LRRC58: variants seen among roughly 807,000 people sequenced by gnomAD.
LRRC58 encodes leucine rich repeat containing 58.
In LRRC58, 18 loss-of-function variants were observed where a neutral mutation model predicts 30.6. The observed-to-expected ratio is 0.59, with a 90% CI of 0.41 to 0.87. The LOEUF is 0.87. Among genes scored for constraint, LRRC58 ranks in the 40% least tolerant of loss-of-function variants. The pLI, the probability that LRRC58 is intolerant of heterozygous loss-of-function variation, is 0.00. For missense variants in LRRC58, 420 were observed against 468.4 expected (o/e 0.90, Z 0.95); for synonymous variants, 221 against 206.0 (o/e 1.07, Z -0.62).
At chr3:120,333,364 T>C (rs1344229556) in intron 3 of LRRC58, among the ~76,000 whole-genome samples, 1 of 152,250 alleles carries the variant, frequency 6.6e-6, no homozygotes, top group Non-Finnish European at 1.5e-5. Context: ...CTGGTGTGAA[T>C]GCTGCCCTAT....
rs554926989 is a variant in LRRC58 at position 120,337,815 on chromosome 3, C to A, written c.501-1862G>T. On this transcript the variant is annotated intron_variant, in intron 1 of 3. Coordinates refer to ENST00000295628, the MANE Select transcript of LRRC58 (RefSeq NM_001099678.2). ...ACTGCTAAAAACTTCCTGAAATGAG[C>A]CTTAATTCATATGAATCATTTCTAT... Among the ~76,000 whole-genome samples, 3 of 152,136 alleles carry A rather than the reference C, an allele frequency of 2.0e-5. No homozygotes were observed. In the East Asian group the frequency reaches 5.8e-4, roughly 29 times the overall value.
At chr3:120,338,899 A>G (rs1357703052) in intron 1 of LRRC58, among the ~76,000 whole-genome samples, 1 of 152,216 alleles carries the variant, frequency 6.6e-6, no homozygotes, top group Non-Finnish European at 1.5e-5. Context: ...TGGTTAGGGG[A>G]GCACTGTGGG....
rs796116731 is a variant in LRRC58 at position 120,347,379 on chromosome 3, C to CTTTTTTTTTTTTTTTTTTTTTTTT, written c.500+1364_500+1365insAAAAAAAAAAAAAAAAAAAAAAAA. Among the ~76,000 whole-genome samples the CTTTTTTTTTTTTTTTTTTTTTTTT allele has an allele frequency of 9.3e-4, 51 of 54,846 alleles. 11 individuals are homozygous for CTTTTTTTTTTTTTTTTTTTTTTTT. Among genetic ancestry groups the CTTTTTTTTTTTTTTTTTTTTTTTT allele is most frequent in the Non-Finnish European group, 1.2e-3 (35 of 28,766 alleles). 36.0% of individuals were successfully genotyped at this position (54,846 alleles called of 152,430 possible). A position where few individuals can be genotyped will look rare whatever the true frequency, so the allele number is the denominator to read the frequency against. Reference sequence around the variant, plus strand: ...AGTTCTTTTTTCCCAGGCCAATATTCTTTTTTTTTTTTTTTTTTTTTTTGA... The same window carrying CTTTTTTTTTTTTTTTTTTTTTTTT: ...AGTTCTTTTTTCCCAGGCCAATATTCTTTTTTTTTTTTTTTTTTTTTTTTTTTTTTTTTTTTTTTTTTTTTTTGA... On this transcript the variant is annotated intron_variant, in intron 1 of 3. Transcript: ENST00000295628.
intron 1 of LRRC58, among the ~76,000 whole-genome samples, chr3:120,344,723 G>A (rs1429241305): frequency 6.6e-6 from 1 of 152,068 alleles, no homozygotes; most frequent in Non-Finnish European, 1.5e-5. Flanking sequence ...CTAGCATACT[G>A]GATTTGCCAA....
intron 1 of LRRC58, among the ~76,000 whole-genome samples, chr3:120,340,242 T>A (rs1935888476): frequency 6.6e-6 from 1 of 152,244 alleles, no homozygotes; most frequent in African/African-American, 2.4e-5. Flanking sequence ...CTCTTTGAGC[T>A]GAATTCCAGG....
In LRRC58 at chr3:120,330,095, G is replaced by T. The variant is rs752293365; in HGVS notation, c.*1105C>A. The T allele has an allele frequency of 6.6e-6, 1 of 151,964 alleles. No individual in the cohort carries two copies. The highest frequency in any genetic ancestry group is 1.5e-5 in the Non-Finnish European group (1 of 67,938). 9.4% of individuals were successfully genotyped at this position (151,964 alleles called of 1,614,324 possible). Reference sequence around the variant, plus strand: ...TTTCTCCATTTTTATTTGGCTTGTTGTGATGTTTTTCTAGTTGTATTAGTT... The same window carrying T: ...TTTCTCCATTTTTATTTGGCTTGTTTTGATGTTTTTCTAGTTGTATTAGTT... On this transcript the variant is annotated 3_prime_UTR_variant, in exon 4 of 4. Coordinates refer to ENST00000295628, the MANE Select transcript of LRRC58 (RefSeq NM_001099678.2).
Position 120,348,822 on chromosome 3 carries a change from T to G in LRRC58, c.422A>C (p.Glu141Ala), listed in dbSNP as rs762839877. 1 of 1,607,310 alleles carries G rather than the reference T, an allele frequency of 6.2e-7. No individual in the cohort carries two copies. Among genetic ancestry groups the G allele is most frequent in the East Asian group, 2.2e-5 (1 of 44,690 alleles). The change falls in exon 1 of 4, where the codon GAG becomes GCG. Residue 141 changes from glutamate (E) to alanine (A), a missense_variant. By Grantham distance (107) the Glu-to-Ala change is moderately radical. Transcript: ENST00000295628. ...CFQEVPASLL[E>A]LRALQTLSLG... is the part of the protein sequence containing the mutation. ...GCTCAGGGTCTGCAGCGCGCGCAGC[T>G]CTAAGAGCGAGGCAGGCACCTCCTG...
intron 3 of LRRC58, 127 bp downstream of exon 3, chr3:120,334,735 G>A: frequency 2.2e-6 from 2 of 894,152 alleles, no homozygotes; most frequent in Non-Finnish European, 3.3e-6. Flanking sequence ...AGAGTGAAAT[G>A]TCTTTCTCAT....
rs900759107 is a variant in LRRC58, at chr3:120,329,554, T to A, written c.*1646A>T. On this transcript the variant is annotated 3_prime_UTR_variant, in exon 4 of 4. Transcript: ENST00000295628. Reference sequence around the variant, plus strand: ...ACATCTGCAGTTCATGAAACTCTCATGTTTCATGAATTAATATACAAATAA... The same window carrying A: ...ACATCTGCAGTTCATGAAACTCTCAAGTTTCATGAATTAATATACAAATAA... The A allele has an allele frequency of 6.6e-6, 1 of 152,054 alleles. No individual in the cohort carries two copies. Among genetic ancestry groups the A allele is most frequent in the East Asian group, 1.9e-4 (1 of 5,204 alleles). The allele number at this position is 152,054 out of a possible 1,614,324, so 9.4% of individuals were successfully genotyped here. A position where few individuals can be genotyped will look rare whatever the true frequency, so the allele number is the denominator to read the frequency against.
At chr3:120,336,467 TAG>T (rs1935836187) in intron 1 of LRRC58, among the ~76,000 whole-genome samples, 1 of 152,188 alleles carries the variant, frequency 6.6e-6, no homozygotes, top group South Asian at 2.1e-4. Context: ...ATTAAGGTTG[TAG>T]AGAGACCAGA....
intron 1 of LRRC58, among the ~76,000 whole-genome samples, chr3:120,343,993 C>T (rs372324588): frequency 6.6e-6 from 1 of 151,968 alleles, no homozygotes; most frequent in African/African-American, 2.4e-5. Context: ...GAGGTGAGAT[C>T]GTGCCGCTGC....
At chr3:120,347,090 G>A (rs1935977554) in intron 1 of LRRC58, among the ~76,000 whole-genome samples, 1 of 152,150 alleles carries the variant, frequency 6.6e-6, no homozygotes, top group Non-Finnish European at 1.5e-5. Context: ...GCATTCTGTA[G>A]GTCTTCATAG....
chr3:120,348,806 C>A lies in LRRC58; in HGVS notation c.438G>T (p.Gln146His). 6.2e-7 allele frequency: 1 copy of A among 1,607,674 alleles called. No homozygotes were observed. Among genetic ancestry groups the A allele is most frequent in the East Asian group, 2.2e-5 (1 of 44,594 alleles). The change falls in exon 1 of 4, where the codon CAG becomes CAT. Residue 146 changes from glutamine (Q) to histidine (H), a missense_variant. By Grantham distance (24) the Gln-to-His change is conservative. This residue lies in a region of LRRC58 where 266 missense variants were observed against 251.7 expected (regional missense o/e 1.06). Transcript: ENST00000295628. Reference protein sequence around the residue: ...PASLLELRALQTLSLGGNQLQ... With the variant: ...PASLLELRALHTLSLGGNQLQ... Reference sequence around the variant, plus strand: ...GTTGGTTGCCGCCCAGGCTCAGGGTCTGCAGCGCGCGCAGCTCTAAGAGCG... The same window carrying A: ...GTTGGTTGCCGCCCAGGCTCAGGGTATGCAGCGCGCGCAGCTCTAAGAGCG...
Position 120,326,707 on chromosome 3 carries a change from G to A in LRRC58, c.*4493C>T, listed in dbSNP as rs535338910. 4.0e-4 allele frequency: 61 copies of A among 152,194 alleles called. No individual in the cohort carries two copies. Among genetic ancestry groups the A allele is most frequent in the African/African-American group, 1.2e-3 (51 of 41,534 alleles). The allele number at this position is 152,194 out of a possible 1,614,324, so 9.4% of individuals were successfully genotyped here. A position where few individuals can be genotyped will look rare whatever the true frequency, so the allele number is the denominator to read the frequency against. On this transcript the variant is annotated 3_prime_UTR_variant, in exon 4 of 4. Transcript: ENST00000295628. ...AAATCTCTACCTCTGGATGAAAAAA[G>A]GATCATTTAGGTAAAAATTAAATGT... is the stretch of plus-strand genomic sequence containing the variant.
At position 120,325,505 on chromosome 3, in the gene LRRC58, CTAA is replaced by C. The variant is rs1395905513; in HGVS notation, c.*5692_*5694del. ...CCTTTACAACAACTATTGAGAAAGA[CTAA>C]TGTTAGGTAAAAGTCTAGTAGCACC... On this transcript the variant is annotated 3_prime_UTR_variant, in exon 4 of 4. Coordinates refer to ENST00000295628, the MANE Select transcript of LRRC58 (RefSeq NM_001099678.2). 6.6e-6 allele frequency: 1 copy of C among 152,134 alleles called. No individual in the cohort carries two copies. Among genetic ancestry groups the C allele is most frequent in the Non-Finnish European group, 1.5e-5 (1 of 68,018 alleles). 9.4% of individuals were successfully genotyped at this position (152,134 alleles called of 1,614,324 possible). A position where few individuals can be genotyped will look rare whatever the true frequency, so the allele number is the denominator to read the frequency against.
Position 120,335,873 on chromosome 3 carries a change from A to C in LRRC58, c.581T>G (p.Leu194Trp). The stretch of plus-strand genomic sequence containing the variant: ...TTGGATTTTGTTGTCACATAATACC[A>C]AATAATTCAGAGAAGGCAGATTTCC... The part of the protein sequence containing the change: ...ELGNLPSLNY[L>W]VLCDNKIQSI... Residue 194 changes from leucine to tryptophan, a missense_variant, in exon 2 of 4, where the codon TTG becomes TGG. By Grantham distance (61) the Leu-to-Trp change is moderately conservative (BLOSUM62 -2). Coordinates refer to ENST00000295628, the MANE Select transcript of LRRC58 (RefSeq NM_001099678.2). 2 of 1,609,276 alleles carry C rather than the reference A, an allele frequency of 1.2e-6. No homozygotes were observed. The highest frequency in any genetic ancestry group is 1.7e-6 in the Non-Finnish European group (2 of 1,175,822).
Position 120,349,061 on chromosome 3 carries a change from C to G in LRRC58, c.183G>C (p.Arg61=), listed in dbSNP as rs1408125025. 6.6e-7 allele frequency: 1 copy of G among 1,518,454 alleles called. No individual in the cohort carries two copies. Among genetic ancestry groups the G allele is most frequent in the Non-Finnish European group, 8.8e-7 (1 of 1,141,536 alleles). 94.1% of individuals were successfully genotyped at this position (1,518,454 alleles called of 1,614,324 possible). ...LPHNRLVSLP[R]ALGSGFPHLQ... ...GGTGCGGGAAGCCGCTGCCCAGCGC[C>G]CGTGGCAGCGACACCAGACGGTTGT... The change falls in exon 1 of 4, where the codon CGG becomes CGC. Residue 61 remains arginine, a synonymous_variant. Transcript: ENST00000295628.
Position 120,349,282 on chromosome 3 carries a change from A to C in LRRC58, c.-39T>G. On this transcript the variant is annotated 5_prime_UTR_variant, in exon 1 of 4. Transcript: ENST00000295628. The stretch of plus-strand genomic sequence containing the variant: ...CGGCGCGTGGCGCCGGATTCCCCAG[A>C]GCGCCGCGCGCGGTCCAGAGGCCGG... 7.4e-7 allele frequency: 1 copy of C among 1,350,122 alleles called. No individual in the cohort carries two copies. The allele number at this position is 1,350,122 out of a possible 1,614,324, so 83.6% of individuals were successfully genotyped here.
In LRRC58 at chr3:120,335,845, G is replaced by C. The variant is rs1370637848; in HGVS notation, c.609C>G (p.Ser203Arg). The C allele has an allele frequency of 1.2e-6, 2 of 1,611,472 alleles. No homozygotes were observed. The highest frequency in any genetic ancestry group is 8.5e-7 in the Non-Finnish European group (1 of 1,178,014). The change falls in exon 2 of 4, where the codon AGC becomes AGG. Residue 203 changes from serine to arginine, a missense_variant. This residue lies in a region of LRRC58 where 154 missense variants were observed against 216.8 expected (regional missense o/e 0.71). Coordinates refer to ENST00000295628, the MANE Select transcript of LRRC58 (RefSeq NM_001099678.2). ...CTCACTGTGAAAGTTGAGGAGGTATGCTTTGGATTTTGTTGTCACATAATA... is the reference window on the plus strand; with the variant it reads ...CTCACTGTGAAAGTTGAGGAGGTATCCTTTGGATTTTGTTGTCACATAATA... Reference protein sequence around the residue: ...YLVLCDNKIQSIPPQLSQLHS... With the variant: ...YLVLCDNKIQRIPPQLSQLHS...
Sources: gnomAD v4.1 joint callset for allele counts (sites outside exome capture counted in the v4.1 genomes callset) on GRCh38, gnomAD v4.1.1 for gene constraint, gnomAD v4.1.1 regional missense constraint, MANE v1.5 for transcripts, NCBI Gene and HGNC (gene_info 2026-07-23, HGNC 2026-07-21) for gene names.